RASAL2: variants seen among roughly 807,000 people sequenced by gnomAD.
RASAL2 encodes the protein RAS protein activator like 2, also known as ras GTPase-activating protein nGAP.
RASAL2 carries 58 observed loss-of-function variants against 128.9 expected under a neutral mutation model. The observed-to-expected ratio is 0.45, with a 90% CI of 0.36 to 0.56. The LOEUF (loss-of-function observed/expected upper bound fraction) is 0.56. Among genes scored for constraint, RASAL2 ranks in the 20% least tolerant of loss-of-function variants. The probability of loss-of-function intolerance (pLI) is 0.00; values close to 1 mark genes in which losing one functional copy is unlikely to be tolerated. For missense variants in RASAL2, 1,360 were observed against 1,601.6 expected, an observed-to-expected ratio of 0.85 and a Z score of 2.57; for synonymous variants, 561 against 580.8, an observed-to-expected ratio of 0.97 and a Z score of 0.49.
At chr1:178,364,150 A>T (rs1671275110) in intron 3 of RASAL2, among the ~76,000 whole-genome samples, 1 of 151,956 alleles carries the variant, frequency 6.6e-6, no homozygotes, top group Non-Finnish European at 1.5e-5. Flanking sequence ...TTGGCCACTA[A>T]CTCTCTGGAT....
intron 1 of RASAL2, among the ~76,000 whole-genome samples, chr1:178,191,534 G>A (rs1662495224): frequency 2.0e-5 from 3 of 152,250 alleles, no homozygotes; most frequent in African/African-American, 4.8e-5. Context: ...TGGGTTGCAC[G>A]AATTTCAGTA....
At chr1:178,394,614 T>C (rs901224994) in intron 4 of RASAL2, among the ~76,000 whole-genome samples, 1 of 152,218 alleles carries the variant, frequency 6.6e-6, no homozygotes, top group African/African-American at 2.4e-5. Flanking sequence ...CTGATTTTCA[T>C]AACACAATGG....
intron 1 of RASAL2, among the ~76,000 whole-genome samples, chr1:178,244,455 C>G (rs1401146688): frequency 6.6e-6 from 1 of 152,238 alleles, no homozygotes; most frequent in Non-Finnish European, 1.5e-5. Flanking sequence ...ATTGGTCAGG[C>G]TGGTCTTGAA....
chr1:178,457,556 T>G, intron 13 of RASAL2, 127 bp from the exon 14 acceptor site: 1 of 970,946 alleles, frequency 1.0e-6, no homozygotes, highest in East Asian at 2.6e-5. Flanking sequence ...AGATAAAATC[T>G]GAGTTTCCAA....
Position 178,094,377 on chromosome 1 carries a change from C to CG in RASAL2, c.-113dup. On this transcript the variant is annotated 5_prime_UTR_variant, in exon 1 of 18. Coordinates refer to ENST00000367649, the MANE Select transcript of RASAL2 (RefSeq NM_170692.4). Reference sequence around the variant, plus strand: ...AGAGGTGTCCGCGCCGGCTGCCGCTCGGGTCCCTGCCCTCGCTGCGCGCTC... The same window carrying CG: ...AGAGGTGTCCGCGCCGGCTGCCGCTCGGGGTCCCTGCCCTCGCTGCGCGCTC... 9.9e-7 allele frequency: 1 copy of CG among 1,005,442 alleles called. No individual in the cohort carries two copies. Among genetic ancestry groups the CG allele is most frequent in the Non-Finnish European group, 1.4e-6 (1 of 723,034 alleles). 62.3% of individuals were successfully genotyped at this position (1,005,442 alleles called of 1,614,324 possible).
At position 178,467,337 on chromosome 1, in the gene RASAL2, A is replaced by C; in HGVS notation, c.3594A>C (p.Leu1198=). 6.2e-7 allele frequency: 1 copy of C among 1,613,420 alleles called. No homozygotes were observed. Among genetic ancestry groups the C allele is most frequent in the Non-Finnish European group, 8.5e-7 (1 of 1,179,332 alleles). The change falls in exon 17 of 18, where the codon CTA becomes CTC. Residue 1198 remains leucine, a synonymous_variant. Transcript: ENST00000367649. ...TTTCCTTCCTGCCACATTCTAGGCTAATGGCTGTGGAAGAGGAACTGAAGA... is the reference window on the plus strand; with the variant it reads ...TTTCCTTCCTGCCACATTCTAGGCTCATGGCTGTGGAAGAGGAACTGAAGA... ...DSQMKSIISR[L]MAVEEELKKD... is the part of the protein sequence containing the mutation.
chr1:178,329,299 A>G (rs1245841834), intron 3 of RASAL2, among the ~76,000 whole-genome samples: 1 of 152,226 alleles, frequency 6.6e-6, no homozygotes, highest in Non-Finnish European at 1.5e-5. Flanking sequence ...CTCACTGATT[A>G]AGGAACATTT....
At chr1:178,431,676 T>C (rs1392053918) in intron 5 of RASAL2, among the ~76,000 whole-genome samples, 1 of 151,932 alleles carries the variant, frequency 6.6e-6, no homozygotes, top group African/African-American at 2.4e-5. Context: ...ACTTAGATGG[T>C]CATCAAGGAC....
intron 3 of RASAL2, among the ~76,000 whole-genome samples, chr1:178,379,638 T>C (rs1030706899): frequency 1.3e-5 from 2 of 152,154 alleles, no homozygotes; most frequent in East Asian, 3.8e-4. Context: ...AAGCAAAAAG[T>C]ACCTCAGTAT....
intron 4 of RASAL2, chr1:178,412,114 C>A: frequency 3.6e-6 from 1 of 276,328 alleles, no homozygotes. Context: ...GTAATGGAGT[C>A]AAGGAATTAT....
At chr1:178,425,010 C>A (rs115123040) in intron 5 of RASAL2, among the ~76,000 whole-genome samples, 104 of 152,214 alleles carry the variant, frequency 6.8e-4, no homozygotes, top group African/African-American at 2.4e-3. Context: ...ACCAAAGATA[C>A]AGCCCTCAAC....
In RASAL2 at chr1:178,457,917, C is replaced by T. The variant is rs149228176; in HGVS notation, c.2625C>T (p.Thr875=). 573 of 1,614,114 alleles carry T rather than the reference C, an allele frequency of 3.5e-4. 4 individuals carry two copies. Among genetic ancestry groups the T allele is most frequent in the African/African-American group, 2.0e-4 (15 of 75,020 alleles). Residue 875 remains threonine, a synonymous_variant, in exon 14 of 18, where the codon ACC becomes ACT. Transcript: ENST00000367649. ...SVMLDVPIRL[T]GSQLSITQVA... ...TGCTTGATGTGCCTATACGCTTGAC[C>T]GGAAGCCAGCTTTCCATAACCCAGG...
At chr1:178,208,248 A>G (rs1008914650) in intron 1 of RASAL2, among the ~76,000 whole-genome samples, 1 of 152,192 alleles carries the variant, frequency 6.6e-6, no homozygotes, top group Non-Finnish European at 1.5e-5. Context: ...AAAAACAGCC[A>G]TATTTTTCTT....
At chr1:178,297,745 A>C (rs2102262326) in intron 2 of RASAL2, among the ~76,000 whole-genome samples, 1 of 152,186 alleles carries the variant, frequency 6.6e-6, no homozygotes, top group African/African-American at 2.4e-5. Flanking sequence ...ATCATATTTT[A>C]AGTTTTAATA....
intron 1 of RASAL2, among the ~76,000 whole-genome samples, chr1:178,237,117 C>T (rs1327265640): frequency 6.6e-6 from 1 of 151,932 alleles, no homozygotes; most frequent in Non-Finnish European, 1.5e-5. Context: ...AATAATCCTG[C>T]GAGGGAGTGT....
intron 1 of RASAL2, among the ~76,000 whole-genome samples, chr1:178,120,097 C>T (rs184969047): frequency 7.9e-5 from 12 of 152,328 alleles, no homozygotes; most frequent in Admixed American, 2.6e-4. Context: ...ATTTAAAGAA[C>T]TCCAAAGGCT....
chr1:178,276,337 T>C (rs141916994), intron 1 of RASAL2, among the ~76,000 whole-genome samples: 14 of 152,180 alleles, frequency 9.2e-5, no homozygotes, highest in Non-Finnish European at 1.3e-4. Context: ...AATTAAACTT[T>C]ACTTTAAGTG....
chr1:178,260,162 C>A (rs1571726579), intron 1 of RASAL2, among the ~76,000 whole-genome samples: 2 of 149,418 alleles, frequency 1.3e-5, no homozygotes, highest in Non-Finnish European at 3.0e-5. Context: ...ACCAGCCTGG[C>A]CAAGATGGTG....
At chr1:178,116,005 C>T (rs1368373468) in intron 1 of RASAL2, among the ~76,000 whole-genome samples, 1 of 151,938 alleles carries the variant, frequency 6.6e-6, no homozygotes, top group African/African-American at 2.4e-5. Context: ...GAGTTTTTTC[C>T]CTAAACTGGA....
Sources: allele counts gnomAD v4.1 joint callset (sites outside exome capture counted in the v4.1 genomes callset), GRCh38; gene constraint gnomAD v4.1.1; transcripts MANE v1.5; gene names NCBI Gene and HGNC (gene_info 2026-07-23, HGNC 2026-07-21).